ARHGAP6: variants seen among roughly 807,000 people sequenced by gnomAD.
ARHGAP6 encodes rho GTPase-activating protein 6.
A neutral mutation model predicts 55.7 loss-of-function variants in ARHGAP6; 16 were observed. The observed-to-expected ratio is 0.29, with a 90% CI of 0.19 to 0.44. The LOEUF is 0.44. Among genes scored for constraint, ARHGAP6 ranks in the 20% least tolerant of loss-of-function variants. The pLI is 1.00. For missense variants in ARHGAP6, 698 were observed against 808.9 expected (o/e 0.86, Z 1.66); for synonymous variants, 382 against 360.9 (o/e 1.06, Z -0.66).
intron 1 of ARHGAP6, among the ~76,000 whole-genome samples, chrX:11,370,089 T>A (rs970590033): frequency 6.2e-5 from 7 of 112,210 alleles, no homozygotes; most frequent in Non-Finnish European, 1.3e-4. Flanking sequence ...TCAGAAGCAA[T>A]TCAATTGTAT....
chrX:11,513,630 C>A (rs2050806229), intron 1 of ARHGAP6, among the ~76,000 whole-genome samples: 1 of 110,854 alleles, frequency 9.0e-6, no homozygotes, highest in African/African-American at 3.3e-5. Flanking sequence ...CAGTCTCTCC[C>A]AGTATGGGAG....
chrX:11,360,689 T>C (rs1603127889), intron 1 of ARHGAP6, among the ~76,000 whole-genome samples: 2 of 109,411 alleles, frequency 1.8e-5, no homozygotes, highest in East Asian at 2.8e-4. Flanking sequence ...ATAAAGGGTA[T>C]TCAATTAGGA....
At chrX:11,538,828 C>CTGTG (rs1231490909) in intron 1 of ARHGAP6, among the ~76,000 whole-genome samples, 5 of 101,713 alleles carry the variant, frequency 4.9e-5, no homozygotes, top group Non-Finnish European at 1.0e-4. Flanking sequence ...GTGGGGACCA[C>CTGTG]TGTGTGTGTG....
chrX:11,382,307 C>A (rs916068920), intron 1 of ARHGAP6, among the ~76,000 whole-genome samples: 4 of 110,651 alleles, frequency 3.6e-5, no homozygotes, highest in Non-Finnish European at 7.6e-5. Flanking sequence ...ACCTTTGAAC[C>A]CCCCACCACA....
At chrX:11,461,238 T>A (rs2050241096) in intron 1 of ARHGAP6, among the ~76,000 whole-genome samples, 1 of 112,305 alleles carries the variant, frequency 8.9e-6, no homozygotes, top group Admixed American at 9.4e-5. Context: ...AATCTTTTCA[T>A]ATACAGAGAA....
At chrX:11,469,803 G>A (rs2050330204) in intron 1 of ARHGAP6, among the ~76,000 whole-genome samples, 1 of 111,570 alleles carries the variant, frequency 9.0e-6, no homozygotes. Context: ...TGCTCTCAGT[G>A]GGAGTTAATT....
chrX:11,638,333 A>C (rs2052439423), intron 1 of ARHGAP6, among the ~76,000 whole-genome samples: 2 of 112,002 alleles, frequency 1.8e-5, no homozygotes, highest in African/African-American at 6.5e-5. Context: ...TGCCTGCCTT[A>C]AATTTTTGAA....
intron 10 of ARHGAP6, among the ~76,000 whole-genome samples, chrX:11,153,524 C>CAAAA (rs55669123): frequency 3.5e-4 from 7 of 20,108 alleles, no homozygotes; most frequent in Admixed American, 1.3e-3. Context: ...GACTCGATCT[C>CAAAA]AAAAAAAAAA....
intron 1 of ARHGAP6, among the ~76,000 whole-genome samples, chrX:11,412,539 G>A (rs773518464): frequency 8.9e-6 from 1 of 111,971 alleles, no homozygotes; most frequent in African/African-American, 3.2e-5. Flanking sequence ...TGTTAGACTA[G>A]TTTAAAAACC....
chrX:11,636,578 G>C (rs1400666821), intron 1 of ARHGAP6, among the ~76,000 whole-genome samples: 2 of 111,275 alleles, frequency 1.8e-5, no homozygotes, highest in African/African-American at 3.3e-5. Context: ...CAATGACTTG[G>C]GGAAAAGGGT....
intron 1 of ARHGAP6, among the ~76,000 whole-genome samples, chrX:11,496,461 C>T (rs1290428939): frequency 9.0e-6 from 1 of 111,681 alleles, no homozygotes; most frequent in Non-Finnish European, 1.9e-5. Flanking sequence ...TGTGTGTTAT[C>T]TTTATATTCA....
At chrX:11,385,133 G>A (rs1234608949) in intron 1 of ARHGAP6, among the ~76,000 whole-genome samples, 2 of 111,625 alleles carry the variant, frequency 1.8e-5, no homozygotes, top group African/African-American at 3.3e-5. Flanking sequence ...AATCAGAATG[G>A]CAAACCCTAG....
chrX:11,650,009 T>C (rs1057214737), intron 1 of ARHGAP6, among the ~76,000 whole-genome samples: 3 of 100,406 alleles, frequency 3.0e-5, no homozygotes, highest in Admixed American at 2.1e-4. Context: ...TTTTTTTTTT[T>C]CCTAAGACAG....
At chrX:11,483,953 C>T (rs1434203098) in intron 1 of ARHGAP6, among the ~76,000 whole-genome samples, 1 of 111,675 alleles carries the variant, frequency 9.0e-6, no homozygotes, top group Non-Finnish European at 1.9e-5. Context: ...CTTATAGTGA[C>T]ACCGTCTTCA....
chrX:11,662,074 A>G (rs1601740646), intron 1 of ARHGAP6, among the ~76,000 whole-genome samples: 1 of 111,968 alleles, frequency 8.9e-6, no homozygotes, highest in South Asian at 3.8e-4. Flanking sequence ...ATCTATATGA[A>G]CCAGATATTC....
At chrX:11,475,560 T>TACACACAC (rs199969639) in intron 1 of ARHGAP6, among the ~76,000 whole-genome samples, 1 of 95,906 alleles carries the variant, frequency 1.0e-5, no homozygotes, top group East Asian at 3.3e-4. Flanking sequence ...TTAAAGAAAC[T>TACACACAC]ACACACACAC....
At chrX:11,582,303 G>A (rs1008509933) in intron 1 of ARHGAP6, among the ~76,000 whole-genome samples, 2 of 111,072 alleles carry the variant, frequency 1.8e-5, no homozygotes, top group African/African-American at 6.5e-5. Flanking sequence ...ACTGTGAACC[G>A]GTCAACACAG....
At chrX:11,504,010 GA>G (rs552377685) in intron 1 of ARHGAP6, among the ~76,000 whole-genome samples, 4 of 110,285 alleles carry the variant, frequency 3.6e-5, no homozygotes, top group African/African-American at 6.6e-5. Context: ...TCAATGGCAG[GA>G]AAAAAAAGTG....
At chrX:11,554,143 T>C (rs2051297925) in intron 1 of ARHGAP6, among the ~76,000 whole-genome samples, 1 of 112,165 alleles carries the variant, frequency 8.9e-6, no homozygotes, top group African/African-American at 3.2e-5. Context: ...TCATTTGCAG[T>C]AACATGGATA....
Sources: gnomAD v4.1 joint callset for allele counts (sites outside exome capture counted in the v4.1 genomes callset) on GRCh38, gnomAD v4.1.1 for gene constraint, MANE v1.5 for transcripts, NCBI Gene and HGNC (gene_info 2026-07-23, HGNC 2026-07-21) for gene names.